Variants in ARL5B observed in about 807,000 individuals in gnomAD.
ARL5B encodes the protein ADP-ribosylation factor-like protein 5B.
ARL5B carries 10 observed loss-of-function variants against 26.9 expected under a neutral mutation model. That is an observed-to-expected ratio of 0.37 (90% CI 0.23 to 0.63). ARL5B has a LOEUF of 0.63. Among genes scored for constraint, ARL5B ranks in the 30% least tolerant of loss-of-function variants. The pLI, the probability that ARL5B is intolerant of heterozygous loss-of-function variation, is 0.62. For missense variants in ARL5B, 167 were observed against 213.9 expected, an observed-to-expected ratio of 0.78 and a Z score of 1.37; for synonymous variants, 87 against 70.4, an observed-to-expected ratio of 1.24 and a Z score of -1.18.
intron 1 of ARL5B, among the ~76,000 whole-genome samples, chr10:18,661,146 G>C (rs1411402102): frequency 6.6e-6 from 1 of 152,194 alleles, no homozygotes; most frequent in Non-Finnish European, 1.5e-5. Flanking sequence ...ACCGCGCCCA[G>C]CGGTAAAACA....
chr10:18,669,185 A>C (rs1455027746), intron 3 of ARL5B, among the ~76,000 whole-genome samples: 1 of 152,104 alleles, frequency 6.6e-6, no homozygotes, highest in Admixed American at 6.5e-5. Flanking sequence ...AGAAAAGGCA[A>C]ATAGAAAGAT....
At chr10:18,671,171 A>C (rs2059885399) in intron 3 of ARL5B, among the ~76,000 whole-genome samples, 1 of 151,870 alleles carries the variant, frequency 6.6e-6, no homozygotes, top group Non-Finnish European at 1.5e-5. Flanking sequence ...CTGTTTCCCT[A>C]ATTTTATTTA....
Position 18,668,618 on chromosome 10 carries a change from G to T in ARL5B, c.196G>T (p.Asp66Tyr). The T allele has an allele frequency of 6.2e-7, 1 of 1,614,144 alleles. No individual in the cohort carries two copies. Among genetic ancestry groups the T allele is most frequent in the Non-Finnish European group, 8.5e-7 (1 of 1,180,024 alleles). ...VVKNTHFLMW[D>Y]IGGQESLRSS... ...GAAGAACACTCATTTTCTTATGTGG[G>T]ATATTGGTGGTCAGGAGTCTCTGCG... The change falls in exon 3 of 6, where the codon GAT (aspartate) becomes TAT (tyrosine). Residue 66 changes from aspartate to tyrosine, a missense_variant. Transcript: ENST00000377275.
In ARL5B at chr10:18,678,040, T is replaced by C. The variant is rs2059917701; in HGVS notation, c.*2824T>C. On this transcript the variant is annotated 3_prime_UTR_variant, in exon 6 of 6. Coordinates refer to ENST00000377275, the MANE Select transcript of ARL5B (RefSeq NM_178815.5). ...TTTTGAGCGTGTCATGTCCTTCATC[T>C]TTAAACCCATCATTCTTATTGAAGC... 1 of 151,820 alleles carries C rather than the reference T, an allele frequency of 6.6e-6. No individual in the cohort carries two copies. Among genetic ancestry groups the C allele is most frequent in the South Asian group, 2.1e-4 (1 of 4,824 alleles). 9.4% of individuals were successfully genotyped at this position (151,820 alleles called of 1,614,324 possible).
chr10:18,680,572 A>G lies in ARL5B; in HGVS notation c.*5356A>G, dbSNP rs560326993. The G allele has an allele frequency of 1.3e-5, 2 of 152,174 alleles. No individual in the cohort carries two copies. The highest frequency in any genetic ancestry group is 2.4e-5 in the African/African-American group (1 of 41,550). 9.4% of individuals were successfully genotyped at this position (152,174 alleles called of 1,614,324 possible). A position where few individuals can be genotyped will look rare whatever the true frequency, so the allele number is the denominator to read the frequency against. ...AAGAGACCATAATCATTTTAATCTT[A>G]TATTTTCCCTCAGGAAATTTAGGGA... On this transcript the variant is annotated 3_prime_UTR_variant, in exon 6 of 6. Transcript: ENST00000377275.
intron 3 of ARL5B, among the ~76,000 whole-genome samples, chr10:18,670,043 G>C (rs894764812): frequency 1.3e-5 from 2 of 150,544 alleles, no homozygotes; most frequent in African/African-American, 4.9e-5. Context: ...AGGTAGAAAA[G>C]GATATAATAT....
intron 3 of ARL5B, among the ~76,000 whole-genome samples, chr10:18,671,815 C>T (rs2059889021): frequency 6.6e-6 from 1 of 151,956 alleles, no homozygotes; most frequent in Non-Finnish European, 1.5e-5. Context: ...ATGTGCATGG[C>T]TAATTTTTAT....
chr10:18,660,378 A>G (rs1316122199), intron 1 of ARL5B, among the ~76,000 whole-genome samples: 2 of 152,232 alleles, frequency 1.3e-5, no homozygotes, highest in Non-Finnish European at 2.9e-5. Flanking sequence ...AATCAGAATG[A>G]GATGTGATGT....
chr10:18,660,878 T>C (rs1329442650), intron 1 of ARL5B, among the ~76,000 whole-genome samples: 1 of 152,192 alleles, frequency 6.6e-6, no homozygotes, highest in East Asian at 1.9e-4. Context: ...GGCAGAGTCT[T>C]TCTCTGTCGC....
In ARL5B at chr10:18,679,359, A is replaced by T. The variant is rs1054008858; in HGVS notation, c.*4143A>T. On this transcript the variant is annotated 3_prime_UTR_variant, in exon 6 of 6. Coordinates refer to ENST00000377275, the MANE Select transcript of ARL5B (RefSeq NM_178815.5). The stretch of plus-strand genomic sequence containing the variant: ...GCCGTTTGATGCCACCCCAGTCTAT[A>T]GTTCTGTGTGACTTTCCATATTGAA... 3 of 151,894 alleles carry T rather than the reference A, an allele frequency of 2.0e-5. No individual in the cohort carries two copies. Among genetic ancestry groups the T allele is most frequent in the African/African-American group, 7.2e-5 (3 of 41,416 alleles). 9.4% of individuals were successfully genotyped at this position (151,894 alleles called of 1,614,324 possible). A position where few individuals can be genotyped will look rare whatever the true frequency, so the allele number is the denominator to read the frequency against.
At chr10:18,672,157 A>C (rs2059890909) in intron 3 of ARL5B, among the ~76,000 whole-genome samples, 1 of 152,168 alleles carries the variant, frequency 6.6e-6, no homozygotes, top group Non-Finnish European at 1.5e-5. Context: ...AAATGCATTT[A>C]TCTTTTTCTT....
rs971313066 is a variant in ARL5B, at chr10:18,668,478, C to G, written c.108-52C>G. On this transcript the variant is annotated intron_variant, in intron 2 of 5. Transcript: ENST00000377275. Reference sequence around the variant, plus strand: ...CTTAAAAATACAGAGATAAAAGTTGCTTCAGATTCTCAAGATTTACAAGAG... The same window carrying G: ...CTTAAAAATACAGAGATAAAAGTTGGTTCAGATTCTCAAGATTTACAAGAG... The G allele has an allele frequency of 1.7e-5, 27 of 1,596,574 alleles. 1 individual carries two copies. The South Asian group carries it at 2.9e-4, about 17-fold the overall frequency.
At chr10:18,660,362 G>T (rs2059826097) in intron 1 of ARL5B, among the ~76,000 whole-genome samples, 1 of 152,172 alleles carries the variant, frequency 6.6e-6, no homozygotes, top group African/African-American at 2.4e-5. Context: ...TGCAAAACCT[G>T]TTCTGAATCA....
chr10:18,675,183 A>C lies in ARL5B; in HGVS notation c.507A>C (p.Leu169=), dbSNP rs1564867624. 2 of 1,613,436 alleles carry C rather than the reference A, an allele frequency of 1.2e-6. No individual in the cohort carries two copies. The highest frequency in any genetic ancestry group is 1.7e-6 in the Non-Finnish European group (2 of 1,179,498). The change falls in exon 6 of 6, where the codon CTA becomes CTC. Residue 169 remains leucine (L), a synonymous_variant. Coordinates refer to ENST00000377275, the MANE Select transcript of ARL5B (RefSeq NM_178815.5). Reference sequence around the variant, plus strand: ...TTTTGTTTAGGTTATGCCAAGGTCTAGAGTGGATGACCTCCCGGATTGGTG... The same window carrying C: ...TTTTGTTTAGGTTATGCCAAGGTCTCGAGTGGATGACCTCCCGGATTGGTG... ...ALTGEGLCQG[L]EWMTSRIGVR
intron 1 of ARL5B, 73 bp from the exon 2 acceptor site, chr10:18,666,498 TAATA>T: frequency 1.7e-6 from 2 of 1,198,098 alleles, no homozygotes; most frequent in South Asian, 3.0e-5. Flanking sequence ...ATGAGCTAAC[TAATA>T]ATCATTGTTG....
intron 1 of ARL5B, among the ~76,000 whole-genome samples, chr10:18,666,029 T>C (rs1004319668): frequency 9.2e-5 from 14 of 152,296 alleles, no homozygotes; most frequent in Non-Finnish European, 7.4e-5. Flanking sequence ...TGTTAAACAA[T>C]GAGTAATTGT....
rs570825633 is a variant in ARL5B at position 18,681,306 on chromosome 10, C to T, written c.*6090C>T. On this transcript the variant is annotated 3_prime_UTR_variant, in exon 6 of 6. Transcript: ENST00000377275. ...GTAAATTAATGCATTCACATGATCA[C>T]TTCTTGAAAATGGTTCAAAGCATGT... The T allele has an allele frequency of 6.6e-6, 1 of 152,160 alleles. No individual in the cohort carries two copies. The highest frequency in any genetic ancestry group is 1.5e-5 in the Non-Finnish European group (1 of 68,036). 9.4% of individuals were successfully genotyped at this position (152,160 alleles called of 1,614,324 possible).
chr10:18,679,047 C>T lies in ARL5B; in HGVS notation c.*3831C>T, dbSNP rs529834942. 6.6e-6 allele frequency: 1 copy of T among 151,792 alleles called. No individual in the cohort carries two copies. The highest frequency in any genetic ancestry group is 1.5e-5 in the Non-Finnish European group (1 of 67,786). The allele number at this position is 151,792 out of a possible 1,614,324, so 9.4% of individuals were successfully genotyped here. Reference sequence around the variant, plus strand: ...AATATGAAATTAAATGTATTTTTATCCATTATTTGATTCCCACCTGTTATT... The same window carrying T: ...AATATGAAATTAAATGTATTTTTATTCATTATTTGATTCCCACCTGTTATT... On this transcript the variant is annotated 3_prime_UTR_variant, in exon 6 of 6. Coordinates refer to ENST00000377275, the MANE Select transcript of ARL5B (RefSeq NM_178815.5).
rs942663171 is a variant in ARL5B at position 18,679,514 on chromosome 10, C to T, written c.*4298C>T. On this transcript the variant is annotated 3_prime_UTR_variant, in exon 6 of 6. Transcript: ENST00000377275. ...TCTCCTCCTTATTCATTCACTTTTA[C>T]TGTGAAGACTGAAATCCAAAAGCCA... is the stretch of plus-strand genomic sequence containing the variant. 4.0e-5 allele frequency: 6 copies of T among 151,772 alleles called. No homozygotes were observed. Among genetic ancestry groups the T allele is most frequent in the Non-Finnish European group, 7.4e-5 (5 of 67,802 alleles). 9.4% of individuals were successfully genotyped at this position (151,772 alleles called of 1,614,324 possible). A position where few individuals can be genotyped will look rare whatever the true frequency, so the allele number is the denominator to read the frequency against.
Sources: gnomAD v4.1 joint callset for allele counts (sites outside exome capture counted in the v4.1 genomes callset) on GRCh38, gnomAD v4.1.1 for gene constraint, MANE v1.5 for transcripts, NCBI Gene and HGNC (gene_info 2026-07-23, HGNC 2026-07-21) for gene names.